Variants in HDGFL3 observed in about 807,000 individuals in gnomAD.
The protein encoded by HDGFL3 is HDGF like 3.
A neutral mutation model predicts 27.6 loss-of-function variants in HDGFL3; 6 were observed. The observed-to-expected ratio is 0.22, with a 90% CI of 0.12 to 0.43. HDGFL3 has a LOEUF of 0.43. Ranked by LOEUF, HDGFL3 falls within the 20% of genes least tolerant of loss-of-function variation. HDGFL3 has a pLI of 1.00. For missense variants in HDGFL3, 207 were observed against 250.1 expected, an observed-to-expected ratio of 0.83 and a Z score of 1.16; for synonymous variants, 88 against 88.9, an observed-to-expected ratio of 0.99 and a Z score of 0.05.
chr15:83,149,543 T>C (rs2036938659), intron 5 of HDGFL3, among the ~76,000 whole-genome samples: 2 of 152,022 alleles, frequency 1.3e-5, no homozygotes, highest in African/African-American at 2.4e-5. Context: ...GGAGGAGAAA[T>C]GTCTGATAGT....
At chr15:83,119,097 CTA>C (rs2034975174) in intron 3 of HDGFL3, among the ~76,000 whole-genome samples, 1 of 152,130 alleles carries the variant, frequency 6.6e-6, no homozygotes, top group Non-Finnish European at 1.5e-5. Flanking sequence ...GCCTGCCTGC[CTA>C]TGTGTCAGTA....
chr15:83,170,001 A>G (rs56045305), intron 1 of HDGFL3, among the ~76,000 whole-genome samples: 38,298 of 152,078 alleles, frequency 0.25, 5,197 homozygotes, highest in African/African-American at 0.35. Context: ...ACACCTAGGA[A>G]TACATCTAAC....
At position 83,164,005 on chromosome 15, in the gene HDGFL3, T is replaced by C; in HGVS notation, c.155A>G (p.His52Arg). ...NKYPIFFFGT[H>R]ETAFLGPKDL... ...ACTATTTTTGCTAACTTACGTTTCA[T>C]GGGTGCCAAAAAAGAAGATAGGATA... Residue 52 changes from histidine (H) to arginine (R), a missense_variant, in exon 2 of 6, where the codon CAT (histidine) becomes CGT (arginine). Physicochemically the swap from His to Arg is conservative, Grantham distance 29. Coordinates refer to ENST00000299633, the MANE Select transcript of HDGFL3 (RefSeq NM_016073.4). 2 of 1,612,376 alleles carry C rather than the reference T, an allele frequency of 1.2e-6. No individual in the cohort carries two copies. Among genetic ancestry groups the C allele is most frequent in the Non-Finnish European group, 1.7e-6 (2 of 1,178,864 alleles).
At chr15:83,206,712 G>C (rs2037721650) in intron 1 of HDGFL3, among the ~76,000 whole-genome samples, 1 of 152,232 alleles carries the variant, frequency 6.6e-6, no homozygotes, top group African/African-American at 2.4e-5. Flanking sequence ...TCAGAGGTCG[G>C]TTTAAAAGAA....
In HDGFL3 at chr15:83,134,848, A is replaced by T. The variant is rs1048237033; in HGVS notation, c.*4422T>A. ...AACACTATTATTCAAAACAGGCCCT[A>T]AGGAAAAACAGTATGGGAGCCATGC... is the stretch of plus-strand genomic sequence containing the variant. On this transcript the variant is annotated 3_prime_UTR_variant, in exon 6 of 6. Coordinates refer to ENST00000299633, the MANE Select transcript of HDGFL3 (RefSeq NM_016073.4). The T allele has an allele frequency of 1.3e-5, 2 of 152,236 alleles. No homozygotes were observed. The highest frequency in any genetic ancestry group is 2.9e-5 in the Non-Finnish European group (2 of 68,052). 9.4% of individuals were successfully genotyped at this position (152,236 alleles called of 1,614,324 possible). A position where few individuals can be genotyped will look rare whatever the true frequency, so the allele number is the denominator to read the frequency against.
intron 1 of HDGFL3, among the ~76,000 whole-genome samples, chr15:83,175,854 C>T (rs560294433): frequency 6.6e-4 from 100 of 152,114 alleles, no homozygotes; most frequent in Admixed American, 2.0e-4. Context: ...AGCGAGACTT[C>T]GTCTCAAAAA....
intron 1 of HDGFL3, among the ~76,000 whole-genome samples, chr15:83,198,380 C>G (rs1393648480): frequency 1.3e-5 from 2 of 152,132 alleles, no homozygotes; most frequent in African/African-American, 4.8e-5. Context: ...ACTGACCAGA[C>G]CAGTGTTTTT....
chr15:83,149,886 GA>G (rs1189513671), intron 5 of HDGFL3, among the ~76,000 whole-genome samples: 7 of 152,110 alleles, frequency 4.6e-5, no homozygotes, highest in Admixed American at 4.6e-4. Flanking sequence ...AGAAGGGGAC[GA>G]ATGACTGGGT....
At chr15:83,122,047 A>G in intron 3 of HDGFL3, 1 of 1,456,544 alleles carries the variant, frequency 6.9e-7, no homozygotes, top group Non-Finnish European at 9.6e-7. Context: ...TTCTAAAACA[A>G]TGGGGCTTGT....
At chr15:83,188,441 G>C (rs892382510) in intron 1 of HDGFL3, among the ~76,000 whole-genome samples, 3 of 152,250 alleles carry the variant, frequency 2.0e-5, no homozygotes, top group Admixed American at 1.3e-4. Context: ...TTTTGGTAGA[G>C]ATGGGGTTTC....
intron 1 of HDGFL3, among the ~76,000 whole-genome samples, chr15:83,175,061 C>T (rs1001785952): frequency 6.6e-6 from 1 of 152,234 alleles, no homozygotes; most frequent in African/African-American, 2.4e-5. Flanking sequence ...AGCTTGCATT[C>T]CCACATGGTA....
chr15:83,178,215 A>T (rs1222322372), intron 1 of HDGFL3, among the ~76,000 whole-genome samples: 22 of 152,238 alleles, frequency 1.4e-4, no homozygotes. Flanking sequence ...TTAAAAAGGG[A>T]AAGTTTCTGA....
chr15:83,172,140 T>A (rs1266714140), intron 1 of HDGFL3, among the ~76,000 whole-genome samples: 1 of 152,200 alleles, frequency 6.6e-6, no homozygotes, highest in African/African-American at 2.4e-5. Flanking sequence ...GTGGGACTTT[T>A]CAGAGGTGAT....
chr15:83,195,499 T>TC (rs1351770422), intron 1 of HDGFL3, among the ~76,000 whole-genome samples: 2 of 152,252 alleles, frequency 1.3e-5, no homozygotes, highest in East Asian at 3.9e-4. Flanking sequence ...ATGTTTCTGT[T>TC]CCTTAATCTA....
chr15:83,148,692 G>A (rs2036930613), intron 5 of HDGFL3, among the ~76,000 whole-genome samples: 1 of 151,922 alleles, frequency 6.6e-6, no homozygotes, highest in South Asian at 2.1e-4. Flanking sequence ...ATAGGAGACT[G>A]GATAAATAAG....
At chr15:83,123,368 C>G (rs1415387564), downstream of HDGFL3, among the ~76,000 whole-genome samples, 1 of 152,184 alleles carries the variant, frequency 6.6e-6, no homozygotes, top group Non-Finnish European at 1.5e-5. Context: ...ATCTGAGACA[C>G]CTCCCTTCCA....
At chr15:83,174,497 T>TAA (rs35330130) in intron 1 of HDGFL3, among the ~76,000 whole-genome samples, 4 of 138,956 alleles carry the variant, frequency 2.9e-5, no homozygotes, top group African/African-American at 5.2e-5. Flanking sequence ...AGCACCACCC[T>TAA]AAAAAAAAAA....
At chr15:83,171,810 T>C (rs2037249988) in intron 1 of HDGFL3, among the ~76,000 whole-genome samples, 1 of 152,084 alleles carries the variant, frequency 6.6e-6, no homozygotes, top group South Asian at 2.1e-4. Context: ...GGATCATTCA[T>C]ACCTAATACC....
intron 1 of HDGFL3, among the ~76,000 whole-genome samples, chr15:83,190,778 A>G (rs2151419921): frequency 6.6e-6 from 1 of 152,310 alleles, no homozygotes; most frequent in East Asian, 1.9e-4. Context: ...TAATGTACAC[A>G]ATTTTATTAA....
Sources: allele counts gnomAD v4.1 joint callset (sites outside exome capture counted in the v4.1 genomes callset), GRCh38; gene constraint gnomAD v4.1.1; transcripts MANE v1.5; gene names NCBI Gene and HGNC (gene_info 2026-07-23, HGNC 2026-07-21).